The following NID2 variants were observed in gnomAD, a reference collection of about 807,000 sequenced individuals.
NID2 encodes nidogen-2.
Under a neutral mutation model 145.4 loss-of-function variants are expected in NID2, and 83 were observed. The observed-to-expected ratio is 0.57, with a 90% CI of 0.48 to 0.69. The LOEUF is 0.69. NID2 is among the 30% of genes least tolerant of loss of function. The pLI is 0.00. For missense variants in NID2, 1,807 were observed against 1,765.7 expected (o/e 1.02, Z -0.42); for synonymous variants, 739 against 701.3 (o/e 1.05, Z -0.85).
chr14:52,011,686 T>C lies in NID2; in HGVS notation c.3421-3A>G. ...TCAATTCCCACGATTATGGAGCCCT[T>C]TGTGCATCAAATCATAGAATTAGAA... On this transcript the variant is annotated splice_polypyrimidine_tract_variant and splice_region_variant and intron_variant, in intron 16 of 21. Transcript: ENST00000216286. 6.2e-7 allele frequency: 1 copy of C among 1,614,110 alleles called. No homozygotes were observed. Among genetic ancestry groups the C allele is most frequent in the Non-Finnish European group, 8.5e-7 (1 of 1,180,000 alleles).
intron 13 of NID2, 147 bp from the exon 14 acceptor site, chr14:52,019,441 C>T: frequency 1.6e-6 from 1 of 617,654 alleles, no homozygotes; most frequent in Non-Finnish European, 2.7e-6. Flanking sequence ...CCACTATTTA[C>T]CTCATTTCTC....
At chr14:52,020,510 A>C (rs570597511) in intron 12 of NID2, among the ~76,000 whole-genome samples, 1 of 152,358 alleles carries the variant, frequency 6.6e-6, no homozygotes, top group East Asian at 1.9e-4. Context: ...CTTTGAACTA[A>C]CCTTTAGACT....
At chr14:52,040,578 T>A in intron 8 of NID2, 73 bp downstream of exon 8, 1 of 1,330,000 alleles carries the variant, frequency 7.5e-7, no homozygotes, top group East Asian at 2.3e-5. Flanking sequence ...ATGTAAGTCA[T>A]TTAAGCCTTG....
chr14:52,039,058 T>C (rs886293378), intron 8 of NID2, 81 bp from the exon 9 acceptor site: 11 of 933,548 alleles, frequency 1.2e-5, no homozygotes, highest in Non-Finnish European at 1.7e-5. Context: ...TGCAGTTTTT[T>C]TCATCTAATT....
Position 52,011,025 on chromosome 14 carries a change from A to G in NID2, c.3573T>C (p.Leu1191=), listed in dbSNP as rs749031760. Residue 1191 remains leucine, a synonymous_variant, in exon 18 of 22, where the codon CTT becomes CTC. Coordinates refer to ENST00000216286, the MANE Select transcript of NID2 (RefSeq NM_007361.4). ...TTGTTCTGCGGATGTGGTCTATGGCAAGTCCTTCAGGGCTTATCAGACCTG... is the reference window on the plus strand; with the variant it reads ...TTGTTCTGCGGATGTGGTCTATGGCGAGTCCTTCAGGGCTTATCAGACCTG... ...VNSGLISPEG[L]AIDHIRRTMY... The G allele has an allele frequency of 1.9e-6, 3 of 1,613,986 alleles. No individual in the cohort carries two copies. In the East Asian group the frequency reaches 6.7e-5, roughly 36 times the overall value.
chr14:52,056,155 ATTGAGT>A (rs891655499), intron 3 of NID2, among the ~76,000 whole-genome samples: 108 of 152,318 alleles, frequency 7.1e-4, no homozygotes, highest in Admixed American at 2.1e-3. Context: ...TTCTGAGGAT[ATTGAGT>A]TTATTATCAC....
chr14:52,006,421 C>A, intron 20 of NID2, 116 bp downstream of exon 20: 1 of 1,173,048 alleles, frequency 8.5e-7, no homozygotes, highest in Non-Finnish European at 1.2e-6. Context: ...GGTGATGAAA[C>A]AAAAGCCTCA....
intron 11 of NID2, among the ~76,000 whole-genome samples, chr14:52,028,285 G>GT (rs34635915): frequency 6.6e-6 from 1 of 151,354 alleles, no homozygotes; most frequent in Non-Finnish European, 1.5e-5. Flanking sequence ...TTTTTTTTTT[G>GT]TTTTTTTGAG....
chr14:52,062,261 A>T (rs1183043742), intron 2 of NID2, among the ~76,000 whole-genome samples: 2 of 152,252 alleles, frequency 1.3e-5, no homozygotes, highest in Non-Finnish European at 2.9e-5. Flanking sequence ...AAAAAACAAC[A>T]TCTTGCTTTG....
At chr14:52,030,636 G>GAGAA (rs879699701) in intron 9 of NID2, among the ~76,000 whole-genome samples, 2,432 of 128,676 alleles carry the variant, frequency 0.019, 148 homozygotes, top group Middle Eastern at 0.078. Flanking sequence ...GAGAAAGAAA[G>GAGAA]AGAAAGAAAA....
chr14:52,046,522 A>G (rs996748942), intron 5 of NID2, among the ~76,000 whole-genome samples: 1 of 152,164 alleles, frequency 6.6e-6, no homozygotes, highest in African/African-American at 2.4e-5. Context: ...AAGATGGAGG[A>G]GAGACAGTCT....
At chr14:52,028,666 G>T in intron 11 of NID2, 56 bp downstream of exon 11, 1 of 1,583,078 alleles carries the variant, frequency 6.3e-7, no homozygotes, top group South Asian at 1.2e-5. Context: ...ACAGATTAAA[G>T]AGCAAGATTA....
At chr14:52,060,102 G>A (rs1162336062) in intron 3 of NID2, 22 bp downstream of exon 3, 5 of 1,530,140 alleles carry the variant, frequency 3.3e-6, no homozygotes, top group Non-Finnish European at 4.5e-6. Flanking sequence ...ATAGGAAAGG[G>A]CTTCAGCTCA....
intron 5 of NID2, among the ~76,000 whole-genome samples, chr14:52,048,378 C>A (rs1240884075): frequency 3.9e-5 from 6 of 152,192 alleles, no homozygotes; most frequent in African/African-American, 1.4e-4. Flanking sequence ...AAAGCCAGAC[C>A]TCCGGCCAAC....
Position 52,042,778 on chromosome 14 carries a change from T to C in NID2, c.1579+4A>G, listed in dbSNP as rs2140403899. 6.2e-7 allele frequency: 1 copy of C among 1,614,024 alleles called. No individual in the cohort carries two copies. Among genetic ancestry groups the C allele is most frequent in the East Asian group, 2.2e-5 (1 of 44,880 alleles). ...CACAGGAGTTCCTGGCCCCAGTCAA[T>C]TACCTTCAGGCAGACAGTGCTTCCC... is the stretch of plus-strand genomic sequence containing the variant. On this transcript the variant is annotated splice_donor_region_variant and intron_variant, in intron 6 of 21. Transcript: ENST00000216286.
At chr14:52,027,726 CTT>C (rs59253416) in intron 11 of NID2, among the ~76,000 whole-genome samples, 8,096 of 136,318 alleles carry the variant, frequency 0.059, 273 homozygotes, top group Middle Eastern at 0.12. Context: ...CATTTTCTTT[CTT>C]TTTTTTTTTT....
At chr14:52,068,300 G>T in intron 1 of NID2, 137 bp from the exon 2 acceptor site, 1 of 893,444 alleles carries the variant, frequency 1.1e-6, no homozygotes, top group East Asian at 2.6e-5. Context: ...TCTGGATTCA[G>T]GGAAACAAGC....
Position 52,040,640 on chromosome 14 carries a change from G to T in NID2, c.2026+11C>A. On this transcript the variant is annotated intron_variant, in intron 8 of 21. Coordinates refer to ENST00000216286, the MANE Select transcript of NID2 (RefSeq NM_007361.4). ...CCCCATTTTACAGATGTGAAGACTG[G>T]TTATACATACTGGAGTCGGAGTAGT... 2 of 1,611,148 alleles carry T rather than the reference G, an allele frequency of 1.2e-6. No individual in the cohort carries two copies. Among genetic ancestry groups the T allele is most frequent in the South Asian group, 2.2e-5 (2 of 91,014 alleles).
chr14:52,015,911 G>A (rs1261337823), intron 14 of NID2, among the ~76,000 whole-genome samples: 3 of 152,190 alleles, frequency 2.0e-5, no homozygotes, highest in South Asian at 2.1e-4. Flanking sequence ...GCATAGCAGA[G>A]GTGGTGGCAA....
Sources: allele counts gnomAD v4.1 joint callset (sites outside exome capture counted in the v4.1 genomes callset), GRCh38; gene constraint gnomAD v4.1.1; transcripts MANE v1.5; gene names NCBI Gene and HGNC (gene_info 2026-07-23, HGNC 2026-07-21).